The following TEX10 variants were observed in gnomAD, a reference collection of about 807,000 sequenced individuals.
TEX10 encodes testis expressed 10.
TEX10 carries 24 observed loss-of-function variants against 104.4 expected under a neutral mutation model. That is an observed-to-expected ratio of 0.23 (90% CI 0.17 to 0.32). The LOEUF is 0.32. Among genes scored for constraint, TEX10 ranks in the 10% least tolerant of loss-of-function variants. TEX10 has a pLI of 1.00. For missense variants in TEX10, 921 were observed against 1,083.9 expected (o/e 0.85, Z 2.11); for synonymous variants, 396 against 393.4 (o/e 1.01, Z -0.08).
intron 11 of TEX10, among the ~76,000 whole-genome samples, chr9:100,314,768 T>A (rs1834372924): frequency 6.6e-6 from 1 of 152,194 alleles, no homozygotes; most frequent in Admixed American, 6.5e-5. Flanking sequence ...TGGGCTTGGT[T>A]TGTTCTTACT....
intron 4 of TEX10, among the ~76,000 whole-genome samples, chr9:100,341,873 T>C (rs960246483): frequency 2.0e-5 from 3 of 152,204 alleles, no homozygotes; most frequent in Non-Finnish European, 4.4e-5. Flanking sequence ...TCTATTTTTA[T>C]AAATTCAGCA....
At chr9:100,316,625 G>GC (rs1326311780) in intron 11 of TEX10, among the ~76,000 whole-genome samples, 1 of 151,980 alleles carries the variant, frequency 6.6e-6, no homozygotes, top group Non-Finnish European at 1.5e-5. Context: ...TTTAAGAGAT[G>GC]GAGTCTCGCT....
chr9:100,306,144 A>C (rs1170409736), intron 13 of TEX10: 1 of 152,214 alleles, frequency 6.6e-6, no homozygotes, highest in Admixed American at 6.5e-5. Context: ...CAGTAGGAGG[A>C]TTAAGTAAAA....
chr9:100,323,541 T>G (rs1564208918), intron 9 of TEX10, among the ~76,000 whole-genome samples: 1 of 152,144 alleles, frequency 6.6e-6, no homozygotes, highest in African/African-American at 2.4e-5. Context: ...GATATTATTA[T>G]GAAACACCAC....
intron 12 of TEX10, among the ~76,000 whole-genome samples, chr9:100,309,801 T>C (rs2118834245): frequency 6.6e-6 from 1 of 152,244 alleles, no homozygotes; most frequent in Admixed American, 6.5e-5. Flanking sequence ...CAGAGGTATA[T>C]CTAATGTGAA....
intron 5 of TEX10, among the ~76,000 whole-genome samples, chr9:100,335,000 A>C (rs914064768): frequency 3.9e-5 from 6 of 151,932 alleles, no homozygotes; most frequent in African/African-American, 1.5e-4. Context: ...ACATGTGCCA[A>C]ACACCCAAAT....
chr9:100,328,032 A>G lies in TEX10; in HGVS notation c.1626-70T>C, dbSNP rs913303521. On this transcript the variant is annotated intron_variant, in intron 7 of 14. Transcript: ENST00000374902. ...GGGAAATAAATTTAAACAAAAAAAA[A>G]ATTTTTTTTTAACTTAAATATATCA... 8.3e-6 allele frequency: 11 copies of G among 1,324,830 alleles called. No homozygotes were observed. In the African/African-American group the frequency reaches 1.5e-4, roughly 18 times the overall value. 82.1% of individuals were successfully genotyped at this position (1,324,830 alleles called of 1,614,324 possible).
chr9:100,312,885 C>T (rs1216164924), intron 11 of TEX10, among the ~76,000 whole-genome samples: 1 of 152,148 alleles, frequency 6.6e-6, no homozygotes, highest in Non-Finnish European at 1.5e-5. Flanking sequence ...ATGTCATTGG[C>T]ATGACCCTAG....
intron 11 of TEX10, among the ~76,000 whole-genome samples, chr9:100,319,254 T>C (rs1397697942): frequency 6.6e-6 from 1 of 152,094 alleles, no homozygotes; most frequent in Non-Finnish European, 1.5e-5. Flanking sequence ...TTAAAGTCAG[T>C]AGTTAATTAA....
Position 100,347,300 on chromosome 9 carries a change from A to C in TEX10, c.287T>G (p.Leu96Arg). Residue 96 changes from leucine to arginine, a missense_variant, in exon 3 of 15, where the codon CTT (leucine) becomes CGT (arginine). By Grantham distance (102) the Leu-to-Arg change is moderately radical (BLOSUM62 -2). Around this residue, in one of 3 missense-constraint regions of TEX10, gnomAD observed 118 missense variants for 111.3 expected, o/e 1.06. Transcript: ENST00000374902. Reference sequence around the variant, plus strand: ...AGTCACTTCACTTAATATGTTTGAAAGGTGTGCATCAATTATAAATGGGTA... The same window carrying C: ...AGTCACTTCACTTAATATGTTTGAACGGTGTGCATCAATTATAAATGGGTA... ...SQYPFIIDAHLSNILSEVTAV... is the reference protein window; with the variant it reads ...SQYPFIIDAHRSNILSEVTAV... The C allele has an allele frequency of 6.2e-7, 1 of 1,614,198 alleles. No homozygotes were observed. The highest frequency in any genetic ancestry group is 1.6e-4 in the Middle Eastern group (1 of 6,062).
intron 4 of TEX10, among the ~76,000 whole-genome samples, chr9:100,344,385 T>C (rs536864636): frequency 2.1e-3 from 324 of 152,360 alleles, no homozygotes; most frequent in Non-Finnish European, 3.7e-3. Context: ...CCAGATAAGA[T>C]GACCCAAAAC....
chr9:100,333,239 C>T (rs375030158), intron 5 of TEX10, among the ~76,000 whole-genome samples: 1 of 152,104 alleles, frequency 6.6e-6, no homozygotes, highest in South Asian at 2.1e-4. Context: ...GCTGGGATTA[C>T]AGGTGTGAGC....
At chr9:100,350,965 T>C (rs987237355) in intron 1 of TEX10, among the ~76,000 whole-genome samples, 2 of 152,134 alleles carry the variant, frequency 1.3e-5, no homozygotes, top group African/African-American at 4.8e-5. Context: ...GGGATAATCA[T>C]ACACAATTGT....
At chr9:100,308,792 C>T (rs954416010) in intron 12 of TEX10, 111 bp from the exon 13 acceptor site, 2 of 975,464 alleles carry the variant, frequency 2.1e-6, no homozygotes, top group Non-Finnish European at 2.8e-6. Flanking sequence ...TACTGAAAAC[C>T]AATATATACC....
intron 8 of TEX10, 53 bp from the exon 9 acceptor site, chr9:100,326,532 G>A: frequency 6.5e-7 from 1 of 1,527,632 alleles, no homozygotes; most frequent in Non-Finnish European, 8.8e-7. Flanking sequence ...ATGCAAACCA[G>A]AGATTAATAA....
chr9:100,316,707 T>G (rs1834426488), intron 11 of TEX10, among the ~76,000 whole-genome samples: 1 of 152,038 alleles, frequency 6.6e-6, no homozygotes, highest in African/African-American at 2.4e-5. Context: ...GTTCCAGCTA[T>G]CCTACTGCCC....
At chr9:100,339,570 T>G (rs527255165) in intron 5 of TEX10, among the ~76,000 whole-genome samples, 1 of 151,920 alleles carries the variant, frequency 6.6e-6, no homozygotes, top group South Asian at 2.1e-4. Context: ...TCAAAAAACC[T>G]CAATGATTCT....
chr9:100,309,754 T>TA (rs1231339439), intron 12 of TEX10, among the ~76,000 whole-genome samples: 3 of 152,162 alleles, frequency 2.0e-5, no homozygotes, highest in Non-Finnish European at 4.4e-5. Flanking sequence ...AAGCCAAAGA[T>TA]AAGAGTATAA....
At chr9:100,318,736 TAGGGCAAAAGATC>T (rs1450233374) in intron 11 of TEX10, among the ~76,000 whole-genome samples, 1 of 152,224 alleles carries the variant, frequency 6.6e-6, no homozygotes, top group African/African-American at 2.4e-5. Context: ...TTTTGCCTAT[TAGGGCAAAAGATC>T]AGCCTTATAA....
Sources: gnomAD v4.1 joint callset for allele counts (sites outside exome capture counted in the v4.1 genomes callset) on GRCh38, gnomAD v4.1.1 for gene constraint, gnomAD v4.1.1 regional missense constraint, MANE v1.5 for transcripts, NCBI Gene and HGNC (gene_info 2026-07-23, HGNC 2026-07-21) for gene names.